Variants in NSD1 observed in about 807,000 individuals in gnomAD.
NSD1 encodes the protein nuclear receptor binding SET domain protein 1, also known as histone-lysine N-methyltransferase, H3 lysine-36 specific.
In NSD1, 26 loss-of-function variants were observed where a neutral mutation model predicts 242.7. The ratio of observed to expected loss-of-function variants is 0.11; its 90% confidence interval spans 0.08 to 0.15. The LOEUF (loss-of-function observed/expected upper bound fraction) is 0.15, where lower values mean the gene tolerates loss of function less well. Among genes scored for constraint, NSD1 ranks in the 10% least tolerant of loss-of-function variants. The pLI is 1.00. For synonymous variants in NSD1, 1,106 were observed against 1,178.1 expected, an observed-to-expected ratio of 0.94 and a Z score of 1.25; for missense variants, 2,495 against 3,272.8, an observed-to-expected ratio of 0.76 and a Z score of 5.80.
rs1202265179 is a variant in NSD1, at chr5:177,298,763, G to A, written c.*3304G>A. 1 of 233,204 alleles carries A rather than the reference G, an allele frequency of 4.3e-6. No homozygotes were observed. The highest frequency in any genetic ancestry group is 2.2e-5 in the African/African-American group (1 of 45,362). The allele number at this position is 233,204 out of a possible 1,614,324, so 14.4% of individuals were successfully genotyped here. A position where few individuals can be genotyped will look rare whatever the true frequency, so the allele number is the denominator to read the frequency against. ...GGTTGTAATTCTAATGTTGCCTCAT[G>A]AGAACAGAATGGCAGAAAGTTTAGT... On this transcript the variant is annotated 3_prime_UTR_variant, in exon 23 of 23. Transcript: ENST00000439151.
chr5:177,215,367 G>A (rs1763691357), intron 5 of NSD1, among the ~76,000 whole-genome samples: 1 of 151,324 alleles, frequency 6.6e-6, no homozygotes, highest in Non-Finnish European at 1.5e-5. Flanking sequence ...GTAGAGATGG[G>A]GTTTCACCAT....
At chr5:177,268,997 T>C (rs1757739413) in intron 15 of NSD1, among the ~76,000 whole-genome samples, 1 of 152,168 alleles carries the variant, frequency 6.6e-6, no homozygotes. Context: ...GTTTATATAC[T>C]TAGGGCCTTC....
In NSD1 at chr5:177,285,563, C is replaced by CAAAAAA. The variant is rs772293606; in HGVS notation, c.6151+1654_6151+1659dup. On this transcript the variant is annotated intron_variant, in intron 20 of 22. Coordinates refer to ENST00000439151, the MANE Select transcript of NSD1 (RefSeq NM_022455.5). Reference sequence around the variant, plus strand: ...CGGGCAACAGAGGGAGATTCCATCTCAAAAAAAAAAAAAAAAAAAAAAAAT... The same window carrying CAAAAAA: ...CGGGCAACAGAGGGAGATTCCATCTCAAAAAAAAAAAAAAAAAAAAAAAAAAAAAAT... Among the ~76,000 whole-genome samples the CAAAAAA allele has an allele frequency of 3.3e-3, 268 of 81,890 alleles. 5 individuals are homozygous for CAAAAAA. Among genetic ancestry groups the CAAAAAA allele is most frequent in the African/African-American group, 0.013 (260 of 20,448 alleles). The allele number at this position is 81,890 out of a possible 152,430, so 53.7% of individuals were successfully genotyped here. A position where few individuals can be genotyped will look rare whatever the true frequency, so the allele number is the denominator to read the frequency against.
rs914580476 is a variant in NSD1 at position 177,292,036 on chromosome 5, C to G, written c.6341C>G (p.Thr2114Arg). The change falls in exon 22 of 23, where the codon ACA (threonine) becomes AGA (arginine). Residue 2114 changes from threonine (T) to arginine (R), a missense_variant. By Grantham distance (71) the Thr-to-Arg change is moderately conservative. This residue lies in a region of NSD1 where 27 missense variants were observed against 33.4 expected (regional missense o/e 0.81). Coordinates refer to ENST00000439151, the MANE Select transcript of NSD1 (RefSeq NM_022455.5). The part of the protein sequence containing the change: ...QGKRRTQGEI[T>R]KEREDECFSC... ...AAGCGCAGGACCCAGGGTGAAATCA[C>G]AAAGGAGCGAGAAGATGAGTGTTTT... is the stretch of plus-strand genomic sequence containing the variant. 6.2e-7 allele frequency: 1 copy of G among 1,614,120 alleles called. No individual in the cohort carries two copies. Among genetic ancestry groups the G allele is most frequent in the Non-Finnish European group, 8.5e-7 (1 of 1,180,012 alleles).
intron 15 of NSD1, among the ~76,000 whole-genome samples, chr5:177,268,274 A>G (rs1757671620): frequency 7.2e-6 from 1 of 139,636 alleles, no homozygotes; most frequent in African/African-American, 2.7e-5. Context: ...GCACCCGGCC[A>G]CTTTTTCTTT....
intron 2 of NSD1, among the ~76,000 whole-genome samples, chr5:177,168,043 C>A (rs1297584434): frequency 6.6e-6 from 1 of 152,126 alleles, no homozygotes; most frequent in Non-Finnish European, 1.5e-5. Flanking sequence ...CATCGGGATT[C>A]CACTGAATCT....
At position 177,297,227 on chromosome 5, in the gene NSD1, T is replaced by C. The variant is rs1760310526; in HGVS notation, c.*1768T>C. ...CCTGCATTTCACTGAGACCTCGGAA[T>C]CTCCTCTGTGAATTCCACCTGCCTA... is the stretch of plus-strand genomic sequence containing the variant. On this transcript the variant is annotated 3_prime_UTR_variant, in exon 23 of 23. Transcript: ENST00000439151. 1 of 232,478 alleles carries C rather than the reference T, an allele frequency of 4.3e-6. No homozygotes were observed. 14.4% of individuals were successfully genotyped at this position (232,478 alleles called of 1,614,324 possible).
intron 14 of NSD1, chr5:177,264,646 C>T (rs1000553163): frequency 1.1e-4 from 46 of 423,208 alleles, no homozygotes; most frequent in Non-Finnish European, 1.7e-5. Flanking sequence ...ATCTGAAACA[C>T]ACCCCTGGCC....
At chr5:177,137,149 C>A in intron 2 of NSD1, 1 of 387,360 alleles carries the variant, frequency 2.6e-6, no homozygotes, top group Non-Finnish European at 4.6e-6. Context: ...ATGATCAGTT[C>A]ACTTCTCTTA....
At position 177,299,466 on chromosome 5, in the gene NSD1, C is replaced by G. The variant is rs1017394041; in HGVS notation, c.*4007C>G. 4.3e-6 allele frequency: 1 copy of G among 233,192 alleles called. No individual in the cohort carries two copies. Among genetic ancestry groups the G allele is most frequent in the African/African-American group, 2.2e-5 (1 of 45,346 alleles). The allele number at this position is 233,192 out of a possible 1,614,324, so 14.4% of individuals were successfully genotyped here. On this transcript the variant is annotated 3_prime_UTR_variant, in exon 23 of 23. Coordinates refer to ENST00000439151, the MANE Select transcript of NSD1 (RefSeq NM_022455.5). ...CCACCTTGTCCATAGCCTCCGTCCACGCTGCCTGGAGCAGGTTGTTAGAGA... is the reference window on the plus strand; with the variant it reads ...CCACCTTGTCCATAGCCTCCGTCCAGGCTGCCTGGAGCAGGTTGTTAGAGA...
At chr5:177,214,865 A>G (rs1407262145) in intron 5 of NSD1, among the ~76,000 whole-genome samples, 1 of 151,670 alleles carries the variant, frequency 6.6e-6, no homozygotes, top group Non-Finnish European at 1.5e-5. Flanking sequence ...ATGCCTGGCT[A>G]ATTTGTTTTG....
At chr5:177,141,210 C>T (rs1270351548) in intron 2 of NSD1, among the ~76,000 whole-genome samples, 8 of 150,642 alleles carry the variant, frequency 5.3e-5, no homozygotes, top group Admixed American at 2.0e-4. Context: ...TTAGTAGAGA[C>T]GGGGTTTCAC....
At chr5:177,289,752 TAATTG>T (rs1759627967) in intron 21 of NSD1, among the ~76,000 whole-genome samples, 1 of 152,158 alleles carries the variant, frequency 6.6e-6, no homozygotes, top group Admixed American at 6.5e-5. Flanking sequence ...ACTTTCTGAA[TAATTG>T]AATTCTAATT....
At chr5:177,273,897 G>A in intron 17 of NSD1, 113 bp downstream of exon 17, 4 of 731,222 alleles carry the variant, frequency 5.5e-6, no homozygotes, top group South Asian at 1.5e-5. Context: ...TTAGGTAGAG[G>A]TATGAGCTTA....
chr5:177,159,032 TA>T (rs1758502205), intron 2 of NSD1, among the ~76,000 whole-genome samples: 1 of 104,076 alleles, frequency 9.6e-6, no homozygotes, highest in East Asian at 8.4e-4. Flanking sequence ...ATATGAATGA[TA>T]TATATATATA....
intron 13 of NSD1, 61 bp downstream of exon 13, chr5:177,257,212 A>G: frequency 9.6e-7 from 1 of 1,043,366 alleles, no homozygotes; most frequent in Non-Finnish European, 1.4e-6. Context: ...GGCAACAGAT[A>G]TTTTCTTTTT....
At chr5:177,236,319 TAG>T (rs1193191449) in intron 6 of NSD1, among the ~76,000 whole-genome samples, 1 of 152,184 alleles carries the variant, frequency 6.6e-6, no homozygotes. Flanking sequence ...TAAAATGAAA[TAG>T]AGACATCTTG....
Position 177,269,455 on chromosome 5 carries a change from G to T in NSD1, c.5304-147G>T. On this transcript the variant is annotated intron_variant, in intron 15 of 22. Transcript: ENST00000439151. The surrounding 1 kb of genome is among the most constrained non-coding windows in gnomAD (Gnocchi z 5.1). ...CTTCTAGCACATACGACTTGTTTGT[G>T]TTCTAGTTAGGTTGTAAGAATGCCG... The T allele has an allele frequency of 6.7e-6, 5 of 751,118 alleles. No homozygotes were observed. Among genetic ancestry groups the T allele is most frequent in the Non-Finnish European group, 1.2e-5 (5 of 432,758 alleles). The allele number at this position is 751,118 out of a possible 1,614,324, so 46.5% of individuals were successfully genotyped here. A position where few individuals can be genotyped will look rare whatever the true frequency, so the allele number is the denominator to read the frequency against.
At chr5:177,208,514 CTTTTTCTT>C (rs1332260354) in intron 4 of NSD1, among the ~76,000 whole-genome samples, 1 of 142,568 alleles carries the variant, frequency 7.0e-6, no homozygotes, top group Non-Finnish European at 1.5e-5. Context: ...CTTGGTTTTT[CTTTTTCTT>C]TTTTTCTTTT....
Sources: gnomAD v4.1 joint callset for allele counts (sites outside exome capture counted in the v4.1 genomes callset) on GRCh38, gnomAD v4.1.1 for gene constraint, gnomAD v4.1.1 regional missense constraint, Gnocchi (gnomAD v3.1) non-coding constraint, MANE v1.5 for transcripts, NCBI Gene and HGNC (gene_info 2026-07-23, HGNC 2026-07-21) for gene names.